Variants in MCF2L2 observed in about 807,000 individuals in gnomAD.
MCF2L2 encodes probable guanine nucleotide exchange factor MCF2L2.
MCF2L2 carries 102 observed loss-of-function variants against 150.2 expected under a neutral mutation model. That is an observed-to-expected ratio of 0.68 (90% CI 0.58 to 0.80). The LOEUF (loss-of-function observed/expected upper bound fraction) is 0.80. Among genes scored for constraint, MCF2L2 ranks in the 30% least tolerant of loss-of-function variants. The pLI, the probability that MCF2L2 is intolerant of heterozygous loss-of-function variation, is 0.00. For missense variants in MCF2L2, 1,256 were observed against 1,372.8 expected, an observed-to-expected ratio of 0.91 and a Z score of 1.34; for synonymous variants, 465 against 491.3, an observed-to-expected ratio of 0.95 and a Z score of 0.71.
rs60835895 is a variant in MCF2L2 at position 183,269,230 on chromosome 3, C to CTTTTTTTTTTTTT, written c.1862+7629_1862+7641dup. On this transcript the variant is annotated intron_variant, in intron 15 of 29. Transcript: ENST00000328913. ...TACACGATTATAGCCGTTTGGGAAG[C>CTTTTTTTTTTTTT]TTTTTTTTTTTTTTTTTTAAGAGTA... Among the ~76,000 whole-genome samples the CTTTTTTTTTTTTT allele has an allele frequency of 4.0e-4, 32 of 81,000 alleles. 6 individuals carry two copies. The highest frequency in any genetic ancestry group is 1.1e-3 in the African/African-American group (17 of 15,754). The allele number at this position is 81,000 out of a possible 152,430, so 53.1% of individuals were successfully genotyped here. A position where few individuals can be genotyped will look rare whatever the true frequency, so the allele number is the denominator to read the frequency against.
chr3:183,179,822 A>T lies in MCF2L2; in HGVS notation c.3106-130T>A. On this transcript the variant is annotated intron_variant, in intron 28 of 29. Coordinates refer to ENST00000328913, the MANE Select transcript of MCF2L2 (RefSeq NM_015078.4). This position sits in a 1 kb window ranked among gnomAD's most constrained non-coding sequence, Gnocchi z 4.2. Reference sequence around the variant, plus strand: ...CTCCCACCTGGGCCACGGGGCTCTCAGCGGGAGCCCCAGTTATGACCGGAC... The same window carrying T: ...CTCCCACCTGGGCCACGGGGCTCTCTGCGGGAGCCCCAGTTATGACCGGAC... 1 of 812,526 alleles carries T rather than the reference A, an allele frequency of 1.2e-6. No homozygotes were observed. The highest frequency in any genetic ancestry group is 2.0e-6 in the Non-Finnish European group (1 of 496,726). 50.3% of individuals were successfully genotyped at this position (812,526 alleles called of 1,614,324 possible). A position where few individuals can be genotyped will look rare whatever the true frequency, so the allele number is the denominator to read the frequency against.
At chr3:183,265,158 G>A (rs1241103685) in intron 15 of MCF2L2, 5 of 152,180 alleles carry the variant, frequency 3.3e-5, no homozygotes, top group African/African-American at 1.2e-4. Flanking sequence ...ATTCATCCCT[G>A]ATTTGCAGAT....
At chr3:183,419,089 T>C (rs1329794639) in intron 1 of MCF2L2, among the ~76,000 whole-genome samples, 1 of 152,238 alleles carries the variant, frequency 6.6e-6, no homozygotes, top group African/African-American at 2.4e-5. Flanking sequence ...TCTTGTTCTG[T>C]GCACCTACAG....
rs1722883737 is a variant in MCF2L2 at position 183,215,607 on chromosome 3, ACT to A, written c.2496+360_2496+361del. On this transcript the variant is annotated intron_variant, in intron 22 of 29. Transcript: ENST00000328913. ...TTTCCAAAATACTTTTCTTAGAGAA[ACT>A]CTGAAACAAGAAGACAAATCTTTTA... 2.0e-5 allele frequency among the ~76,000 whole-genome samples: 3 copies of A among 152,230 alleles called. No individual in the cohort carries two copies. The South Asian group carries it at 6.2e-4, about 32-fold the overall frequency.
intron 13 of MCF2L2, among the ~76,000 whole-genome samples, chr3:183,294,444 C>T (rs534425415): frequency 1.1e-4 from 16 of 151,718 alleles, no homozygotes; most frequent in Admixed American, 3.3e-4. Flanking sequence ...CTCTGCCTCC[C>T]GGGTTCAAGC....
At chr3:183,284,568 G>T (rs995111748) in intron 14 of MCF2L2, among the ~76,000 whole-genome samples, 1 of 152,120 alleles carries the variant, frequency 6.6e-6, no homozygotes, top group Non-Finnish European at 1.5e-5. Context: ...CAGGCATGGT[G>T]ACAGGCACCT....
rs921205659 is a variant in MCF2L2, at chr3:183,385,552, C to T, written c.160+4144G>A. 4.6e-5 allele frequency among the ~76,000 whole-genome samples: 7 copies of T among 152,132 alleles called. No homozygotes were observed. The East Asian group carries it at 1.4e-3, about 29-fold the overall frequency. ...TTATTTTCAAAAGGATTCAAGCTGC[C>T]ACAAGAGACAGGCAGAGAAAGGGAG... On this transcript the variant is annotated intron_variant, in intron 2 of 29. Transcript: ENST00000328913.
At chr3:183,265,393 T>C (rs1307196378) in intron 15 of MCF2L2, 1 of 152,384 alleles carries the variant, frequency 6.6e-6, no homozygotes, top group East Asian at 1.9e-4. Context: ...CATTTTCTTC[T>C]ACCAGATCGG....
At chr3:183,280,957 G>A (rs918123197) in intron 14 of MCF2L2, among the ~76,000 whole-genome samples, 11 of 151,812 alleles carry the variant, frequency 7.2e-5, no homozygotes, top group African/African-American at 1.5e-4. Flanking sequence ...AAAAACAGGA[G>A]CTATTAGGCC....
At chr3:183,401,012 G>A (rs78445084) in intron 1 of MCF2L2, among the ~76,000 whole-genome samples, 1 of 152,038 alleles carries the variant, frequency 6.6e-6, no homozygotes, top group Non-Finnish European at 1.5e-5. Context: ...AACGGTAAAG[G>A]TTCAGATCCT....
intron 15 of MCF2L2, among the ~76,000 whole-genome samples, chr3:183,232,942 C>T (rs1030132954): frequency 6.6e-6 from 1 of 152,178 alleles, no homozygotes; most frequent in African/African-American, 2.4e-5. Context: ...ATGTAAAACA[C>T]GTGCTCCTTG....
At chr3:183,300,340 G>A (rs182371023) in intron 10 of MCF2L2, 144 bp from the exon 11 acceptor site, 759 of 733,860 alleles carry the variant, frequency 1.0e-3, no homozygotes, top group Non-Finnish European at 1.3e-3. Flanking sequence ...GAGAAAGCTC[G>A]GAATGGTTCC....
At chr3:183,217,756 C>A (rs1722998643) in intron 21 of MCF2L2, among the ~76,000 whole-genome samples, 1 of 152,182 alleles carries the variant, frequency 6.6e-6, no homozygotes, top group African/African-American at 2.4e-5. Context: ...ATTGCACCAC[C>A]ATTAAAGATG....
intron 5 of MCF2L2, among the ~76,000 whole-genome samples, chr3:183,333,338 C>T (rs532403868): frequency 6.6e-5 from 10 of 152,186 alleles, no homozygotes; most frequent in East Asian, 5.8e-4. Flanking sequence ...TGAGCCACTG[C>T]GTCCAGCCCT....
intron 3 of MCF2L2, among the ~76,000 whole-genome samples, chr3:183,342,140 T>C (rs1730724590): frequency 6.6e-6 from 1 of 152,172 alleles, no homozygotes. Context: ...CAATAGACAA[T>C]ATGCTTGAGA....
intron 15 of MCF2L2, among the ~76,000 whole-genome samples, chr3:183,240,725 C>T (rs1723983481): frequency 6.6e-6 from 1 of 152,172 alleles, no homozygotes; most frequent in Non-Finnish European, 1.5e-5. Context: ...TTCACAAGTG[C>T]CCTGGATGAT....
At chr3:183,380,719 C>T (rs1173053989) in intron 2 of MCF2L2, among the ~76,000 whole-genome samples, 1 of 152,126 alleles carries the variant, frequency 6.6e-6, no homozygotes, top group Non-Finnish European at 1.5e-5. Flanking sequence ...TTCCCAACTT[C>T]AACATCAAAT....
rs1294355137 is a variant in MCF2L2 at position 183,420,874 on chromosome 3, C to CA, written c.76+7027dup. Among the ~76,000 whole-genome samples, 5 of 152,318 alleles carry CA rather than the reference C, an allele frequency of 3.3e-5. No individual in the cohort carries two copies. The South Asian group carries it at 1.0e-3, about 32-fold the overall frequency. On this transcript the variant is annotated intron_variant, in intron 1 of 29. Coordinates refer to ENST00000328913, the MANE Select transcript of MCF2L2 (RefSeq NM_015078.4). ...CCACTCCCATTATCCAATCACCCCC[C>CA]ACCAGGTCCCTCCCTTAACATGTGG...
At chr3:183,219,834 T>C in intron 21 of MCF2L2, 22 bp downstream of exon 21, 1 of 1,518,432 alleles carries the variant, frequency 6.6e-7, no homozygotes, top group African/African-American at 1.4e-5. Context: ...TTATATAAAA[T>C]GTAATATTTA....
Sources: gnomAD v4.1 joint callset for allele counts (sites outside exome capture counted in the v4.1 genomes callset) on GRCh38, gnomAD v4.1.1 for gene constraint, Gnocchi (gnomAD v3.1) non-coding constraint, MANE v1.5 for transcripts, NCBI Gene and HGNC (gene_info 2026-07-23, HGNC 2026-07-21) for gene names.